SUPT3H: variants seen among roughly 807,000 people sequenced by gnomAD.
SUPT3H encodes transcription initiation protein SPT3 homolog.
Under a neutral mutation model 44.3 loss-of-function variants are expected in SUPT3H, and 44 were observed. The observed-to-expected ratio is 0.99, with a 90% CI of 0.78 to 1.28. The LOEUF (loss-of-function observed/expected upper bound fraction) is 1.28. Among genes scored for constraint, SUPT3H ranks in the 50% most tolerant of loss-of-function variants. The pLI, the probability that SUPT3H is intolerant of heterozygous loss-of-function variation, is 0.00. For synonymous variants in SUPT3H, 124 were observed against 125.6 expected, an observed-to-expected ratio of 0.99 and a Z score of 0.09; for missense variants, 380 against 387.1, an observed-to-expected ratio of 0.98 and a Z score of 0.15.
At chr6:45,032,181 T>C (rs186727229) in intron 3 of SUPT3H, among the ~76,000 whole-genome samples, 3 of 152,132 alleles carry the variant, frequency 2.0e-5, no homozygotes, top group African/African-American at 7.2e-5. Context: ...TATCCAAAGA[T>C]TGCTTGCATA....
chr6:45,270,738 A>C (rs543735470), intron 2 of SUPT3H, among the ~76,000 whole-genome samples: 1 of 152,348 alleles, frequency 6.6e-6, no homozygotes, highest in Admixed American at 6.5e-5. Flanking sequence ...TGTGAAAGCA[A>C]CTTTGGAACT....
chr6:45,184,680 A>G (rs2153615074), intron 2 of SUPT3H, among the ~76,000 whole-genome samples: 1 of 151,228 alleles, frequency 6.6e-6, no homozygotes, highest in East Asian at 2.0e-4. Flanking sequence ...GATAAATAAC[A>G]TGGCAATGAG....
intron 10 of SUPT3H, among the ~76,000 whole-genome samples, chr6:44,895,041 C>T (rs942446784): frequency 6.6e-6 from 1 of 151,958 alleles, no homozygotes; most frequent in East Asian, 1.9e-4. Context: ...ATGGTAATAA[C>T]CCATTATTAC....
intron 2 of SUPT3H, among the ~76,000 whole-genome samples, chr6:45,111,302 A>C (rs952293979): frequency 2.0e-5 from 3 of 152,158 alleles, no homozygotes; most frequent in Non-Finnish European, 4.4e-5. Context: ...AAGTGCTATG[A>C]TTATAGGCTT....
chr6:44,955,820 GCTA>G (rs1445422967), intron 7 of SUPT3H, among the ~76,000 whole-genome samples: 1 of 152,036 alleles, frequency 6.6e-6, no homozygotes, highest in Non-Finnish European at 1.5e-5. Flanking sequence ...CTCAGAAATT[GCTA>G]CTAAAGATTC....
rs189298318 is a variant in SUPT3H, at chr6:45,355,769, A to C, written c.101+9432T>G. Among the ~76,000 whole-genome samples, 620 of 152,310 alleles carry C rather than the reference A, an allele frequency of 4.1e-3. 5 individuals are homozygous for C. The highest frequency in any genetic ancestry group is 0.014 in the African/African-American group (594 of 41,566). ...CTAAATTGGAAGAGGCAGAATAAAA[A>C]ATACTATCAGTGCTTGACTTAGAAA... On this transcript the variant is annotated intron_variant, in intron 2 of 10. Coordinates refer to ENST00000371459, the MANE Select transcript of SUPT3H (RefSeq NM_003599.4).
intron 7 of SUPT3H, among the ~76,000 whole-genome samples, chr6:44,958,700 T>C (rs570602861): frequency 6.6e-6 from 1 of 152,170 alleles, no homozygotes; most frequent in Admixed American, 6.5e-5. Context: ...GGGAATCATG[T>C]CTTAACAAGT....
intron 10 of SUPT3H, among the ~76,000 whole-genome samples, chr6:44,876,586 T>C (rs1777317281): frequency 2.0e-5 from 3 of 149,502 alleles, no homozygotes; most frequent in Admixed American, 1.3e-4. Flanking sequence ...CGCACCAGCA[T>C]GGCACATGTA....
In SUPT3H at chr6:44,947,120, C is replaced by T. The variant is rs560165589; in HGVS notation, c.801+6190G>A. Reference sequence around the variant, plus strand: ...AAGTATTTTAAAATTAAGGTATGTACATGTTTTAGACATAATGCCATTGCA... The same window carrying T: ...AAGTATTTTAAAATTAAGGTATGTATATGTTTTAGACATAATGCCATTGCA... On this transcript the variant is annotated intron_variant, in intron 9 of 10. Transcript: ENST00000371459. Among the ~76,000 whole-genome samples the T allele has an allele frequency of 2.6e-5, 4 of 152,278 alleles. No individual in the cohort carries two copies. In the East Asian group the frequency reaches 7.7e-4, roughly 29 times the overall value.
At chr6:45,185,071 T>C (rs1293756814) in intron 2 of SUPT3H, among the ~76,000 whole-genome samples, 3 of 152,094 alleles carry the variant, frequency 2.0e-5, no homozygotes, top group African/African-American at 7.2e-5. Flanking sequence ...AGGCTAAGGG[T>C]ACTTTCACTG....
In SUPT3H at chr6:44,963,483, C is replaced by T. The variant is rs182926767; in HGVS notation, c.505-1655G>A. On this transcript the variant is annotated intron_variant, in intron 6 of 10. Coordinates refer to ENST00000371459, the MANE Select transcript of SUPT3H (RefSeq NM_003599.4). The stretch of plus-strand genomic sequence containing the variant: ...CCAGCCTGGGTGACAGAGTGAGACT[C>T]CGTCTCAAACAAACAAACAAACAAA... Among the ~76,000 whole-genome samples, 1,440 of 152,160 alleles carry T rather than the reference C, an allele frequency of 9.5e-3. 16 individuals carry two copies. The highest frequency in any genetic ancestry group is 0.014 in the Non-Finnish European group (935 of 68,012).
intron 10 of SUPT3H, among the ~76,000 whole-genome samples, chr6:44,894,197 C>T (rs1276320714): frequency 2.2e-5 from 3 of 138,774 alleles, no homozygotes; most frequent in Non-Finnish European, 3.1e-5. Flanking sequence ...ATGGCAGTTT[C>T]TTTTGCTGTG....
chr6:45,304,437 A>G (rs1208037072), intron 2 of SUPT3H, among the ~76,000 whole-genome samples: 1 of 152,202 alleles, frequency 6.6e-6, no homozygotes, highest in Non-Finnish European at 1.5e-5. Context: ...AATATGTAAT[A>G]AATTTTTCCA....
At chr6:45,176,603 G>A (rs544942793) in intron 2 of SUPT3H, among the ~76,000 whole-genome samples, 1 of 142,044 alleles carries the variant, frequency 7.0e-6, no homozygotes, top group African/African-American at 2.6e-5. Flanking sequence ...TGCCTCTGTA[G>A]GCTCCACCTC....
chr6:45,092,728 G>C (rs1374825666), intron 3 of SUPT3H, among the ~76,000 whole-genome samples: 1 of 117,756 alleles, frequency 8.5e-6, no homozygotes, highest in Non-Finnish European at 1.6e-5. Flanking sequence ...CCAGCCTGGG[G>C]AACAACGGTG....
At chr6:45,075,131 A>G (rs1315251383) in intron 3 of SUPT3H, among the ~76,000 whole-genome samples, 1 of 152,114 alleles carries the variant, frequency 6.6e-6, no homozygotes. Flanking sequence ...AATATATTCC[A>G]TATCTTTTAA....
chr6:44,857,999 A>T (rs987456478), intron 10 of SUPT3H, among the ~76,000 whole-genome samples: 2 of 152,148 alleles, frequency 1.3e-5, no homozygotes, highest in Non-Finnish European at 2.9e-5. Flanking sequence ...TTCTTGGCTA[A>T]CGTTATTAGT....
intron 2 of SUPT3H, among the ~76,000 whole-genome samples, chr6:45,289,404 T>C (rs1432410664): frequency 3.3e-5 from 5 of 152,120 alleles, no homozygotes; most frequent in South Asian, 2.1e-4. Context: ...ACTGAGGAAA[T>C]AGAAAGCCAC....
chr6:45,104,131 A>G (rs138684587), intron 3 of SUPT3H, among the ~76,000 whole-genome samples: 1 of 152,262 alleles, frequency 6.6e-6, no homozygotes, highest in African/African-American at 2.4e-5. Context: ...AATCTGTGAG[A>G]AGGAATAATG....
Sources: gnomAD v4.1 joint callset for allele counts (sites outside exome capture counted in the v4.1 genomes callset) on GRCh38, gnomAD v4.1.1 for gene constraint, MANE v1.5 for transcripts, NCBI Gene and HGNC (gene_info 2026-07-23, HGNC 2026-07-21) for gene names.